The following PRMT3 variants were observed in gnomAD, a reference collection of about 807,000 sequenced individuals.
The protein encoded by PRMT3 is protein arginine methyltransferase 3.
PRMT3 carries 62 observed loss-of-function variants against 71.9 expected under a neutral mutation model. That is an observed-to-expected ratio of 0.86 (90% CI 0.70 to 1.07). The LOEUF is 1.07. Among genes scored for constraint, PRMT3 ranks in the 50% least tolerant of loss-of-function variants. The pLI is 0.00. For synonymous variants in PRMT3, 213 were observed against 220.4 expected, an observed-to-expected ratio of 0.97 and a Z score of 0.30; for missense variants, 663 against 643.0, an observed-to-expected ratio of 1.03 and a Z score of -0.34.
At chr11:20,455,693 A>AT (rs1850252921) in intron 11 of PRMT3, among the ~76,000 whole-genome samples, 1 of 151,734 alleles carries the variant, frequency 6.6e-6, no homozygotes, top group South Asian at 2.1e-4. Flanking sequence ...GCTACCAAAT[A>AT]TTAAAACACA....
intron 10 of PRMT3, among the ~76,000 whole-genome samples, chr11:20,446,826 GGTATCCCTGTTGA>G (rs1850041053): frequency 6.6e-6 from 1 of 152,114 alleles, no homozygotes. Flanking sequence ...AAAGGGTAAA[GGTATCCCTGTTGA>G]GTGATATCAT....
At chr11:20,438,591 A>G (rs776788664) in intron 10 of PRMT3, among the ~76,000 whole-genome samples, 1 of 152,086 alleles carries the variant, frequency 6.6e-6, no homozygotes, top group African/African-American at 2.4e-5. Context: ...GGGATGCAGC[A>G]TACTGCATCA....
At chr11:20,391,268 G>A (rs541762326) in intron 3 of PRMT3, among the ~76,000 whole-genome samples, 36 of 151,040 alleles carry the variant, frequency 2.4e-4, no homozygotes, top group Admixed American at 1.3e-3. Flanking sequence ...TTTTTGAGAC[G>A]GAGTCTCGCT....
chr11:20,387,941 C>T lies in PRMT3; in HGVS notation c.29-78C>T, dbSNP rs1478265178. On this transcript the variant is annotated intron_variant, in intron 1 of 15. Coordinates refer to ENST00000331079, the MANE Select transcript of PRMT3 (RefSeq NM_005788.4). This position sits in a 1 kb window ranked among gnomAD's most constrained non-coding sequence, Gnocchi z 4.3. The stretch of plus-strand genomic sequence containing the variant: ...CGCGGGCGAACGGGGCGGAGGAGAG[C>T]CCATCGTCACCTGCTCCTCGAGCCC... 1.2e-6 allele frequency: 2 copies of T among 1,601,952 alleles called. No individual in the cohort carries two copies. The highest frequency in any genetic ancestry group is 3.4e-5 in the Admixed American group (2 of 59,176).
At chr11:20,402,876 T>C in intron 7 of PRMT3, 43 bp from the exon 8 acceptor site, 1 of 1,482,570 alleles carries the variant, frequency 6.7e-7, no homozygotes, top group South Asian at 1.1e-5. Context: ...TTTATTTGTT[T>C]AGACTGTCCT....
intron 13 of PRMT3, among the ~76,000 whole-genome samples, chr11:20,485,748 A>G (rs1269716660): frequency 6.6e-6 from 1 of 152,202 alleles, no homozygotes; most frequent in Non-Finnish European, 1.5e-5. Context: ...AGAGAAAAGG[A>G]GGATGAGAAT....
chr11:20,453,531 C>T (rs1464087282), intron 11 of PRMT3, among the ~76,000 whole-genome samples: 2 of 151,084 alleles, frequency 1.3e-5, no homozygotes, highest in Admixed American at 1.3e-4. Flanking sequence ...AGAGAAAATT[C>T]TCCAGAACAA....
At chr11:20,403,066 A>G (rs983030606) in intron 8 of PRMT3, 82 bp downstream of exon 8, 3 of 1,029,318 alleles carry the variant, frequency 2.9e-6, no homozygotes, top group Non-Finnish European at 4.5e-6. Context: ...TCATTGTGAT[A>G]GCAATTGATT....
At chr11:20,391,971 A>G (rs1279581636) in intron 3 of PRMT3, among the ~76,000 whole-genome samples, 1 of 152,210 alleles carries the variant, frequency 6.6e-6, no homozygotes, top group Non-Finnish European at 1.5e-5. Flanking sequence ...TTTAGAAATC[A>G]GTTTTCCATC....
intron 5 of PRMT3, chr11:20,393,691 A>G (rs2133298892): frequency 6.6e-6 from 1 of 152,266 alleles, no homozygotes; most frequent in South Asian, 2.1e-4. Flanking sequence ...TATTTACTGA[A>G]TCCTCTTTTT....
At chr11:20,489,626 A>G (rs1851161271) in intron 13 of PRMT3, among the ~76,000 whole-genome samples, 1 of 152,012 alleles carries the variant, frequency 6.6e-6, no homozygotes, top group Non-Finnish European at 1.5e-5. Flanking sequence ...GCATGTTTAT[A>G]TTTTCCTGAC....
intron 9 of PRMT3, among the ~76,000 whole-genome samples, chr11:20,420,148 G>A (rs1211565817): frequency 6.6e-6 from 1 of 152,146 alleles, no homozygotes; most frequent in Non-Finnish European, 1.5e-5. Context: ...CTCTAGCCTG[G>A]GTGATAGAGC....
chr11:20,409,676 C>CAA (rs971487374), intron 9 of PRMT3, among the ~76,000 whole-genome samples: 9 of 151,308 alleles, frequency 5.9e-5, no homozygotes, highest in Admixed American at 2.6e-4. Flanking sequence ...CACACACACA[C>CAA]ACACACACAC....
At chr11:20,392,124 G>A in intron 3 of PRMT3, 87 bp from the exon 4 acceptor site, 3 of 1,300,702 alleles carry the variant, frequency 2.3e-6, no homozygotes, top group Non-Finnish European at 3.2e-6. Flanking sequence ...TTATTTTATT[G>A]TTTAATCAGA....
chr11:20,478,533 TAAA>T (rs34317661), intron 13 of PRMT3, among the ~76,000 whole-genome samples: 2 of 136,728 alleles, frequency 1.5e-5, no homozygotes, highest in South Asian at 2.5e-4. Flanking sequence ...CCTGTCTCTT[TAAA>T]AAAAAAAAAA....
intron 14 of PRMT3, 52 bp from the exon 15 acceptor site, chr11:20,494,115 G>GAC: frequency 1.3e-6 from 2 of 1,512,882 alleles, no homozygotes; most frequent in Non-Finnish European, 9.2e-7. Flanking sequence ...AATGTACCAT[G>GAC]ATATTAAAAA....
At chr11:20,440,342 G>A (rs116191898) in intron 10 of PRMT3, among the ~76,000 whole-genome samples, 195 of 152,164 alleles carry the variant, frequency 1.3e-3, no homozygotes, top group African/African-American at 4.5e-3. Flanking sequence ...GCAACAGAGC[G>A]AGATGCTGAC....
At chr11:20,457,649 C>T (rs970730710) in intron 11 of PRMT3, among the ~76,000 whole-genome samples, 1 of 152,168 alleles carries the variant, frequency 6.6e-6, no homozygotes, top group Non-Finnish European at 1.5e-5. Context: ...TAGGTTTATA[C>T]TTTATAAAAG....
intron 13 of PRMT3, among the ~76,000 whole-genome samples, chr11:20,473,858 T>TA (rs1430148443): frequency 9.5e-4 from 144 of 152,294 alleles, no homozygotes; most frequent in Non-Finnish European, 1.0e-3. Flanking sequence ...TTAGCATTTT[T>TA]GTGTTGATCC....
Sources: allele counts gnomAD v4.1 joint callset (sites outside exome capture counted in the v4.1 genomes callset), GRCh38; gene constraint gnomAD v4.1.1; non-coding constraint Gnocchi (gnomAD v3.1); transcripts MANE v1.5; gene names NCBI Gene and HGNC (gene_info 2026-07-23, HGNC 2026-07-21).